Variants in KCNJ6 observed in about 807,000 individuals in gnomAD.
KCNJ6 encodes the protein G protein-activated inward rectifier potassium channel 2.
KCNJ6 carries 9 observed loss-of-function variants against 34.2 expected under a neutral mutation model. The observed-to-expected ratio is 0.26, with a 90% CI of 0.16 to 0.46. The LOEUF is 0.46. Among genes scored for constraint, KCNJ6 ranks in the 20% least tolerant of loss-of-function variants. The pLI, the probability that KCNJ6 is intolerant of heterozygous loss-of-function variation, is 1.00. For missense variants in KCNJ6, 236 were observed against 531.3 expected (o/e 0.44, Z 5.46); for synonymous variants, 196 against 207.1 (o/e 0.95, Z 0.46).
chr21:37,859,490 TATATATATATATATATA>T (rs2055582584), intron 1 of KCNJ6, among the ~76,000 whole-genome samples: 1 of 7,828 alleles, frequency 1.3e-4, no homozygotes, highest in Admixed American at 2.1e-3. Flanking sequence ...TATTACTTTA[TATATATATATATATATA>T]TATATATATA....
At chr21:37,836,634 C>A (rs960595724) in intron 2 of KCNJ6, among the ~76,000 whole-genome samples, 1 of 152,128 alleles carries the variant, frequency 6.6e-6, no homozygotes, top group Admixed American at 6.5e-5. Flanking sequence ...CAAACTAACA[C>A]GAGAACGGGA....
At chr21:37,914,350 C>T (rs1374258502) in intron 1 of KCNJ6, among the ~76,000 whole-genome samples, 1 of 152,142 alleles carries the variant, frequency 6.6e-6, no homozygotes, top group Non-Finnish European at 1.5e-5. Flanking sequence ...GCTTCACCCT[C>T]GGCGCCTGGG....
chr21:37,892,476 A>C (rs1358550325), intron 1 of KCNJ6, among the ~76,000 whole-genome samples: 1 of 152,226 alleles, frequency 6.6e-6, no homozygotes, highest in Non-Finnish European at 1.5e-5. Flanking sequence ...ATTAGTTTAG[A>C]AAATACAGCT....
intron 2 of KCNJ6, among the ~76,000 whole-genome samples, chr21:37,715,630 T>C (rs1569450874): frequency 6.6e-6 from 1 of 152,178 alleles, no homozygotes; most frequent in South Asian, 2.1e-4. Flanking sequence ...GGTGACAGTA[T>C]TGGGAGATAA....
intron 2 of KCNJ6, among the ~76,000 whole-genome samples, chr21:37,743,531 T>C (rs2054951439): frequency 6.6e-6 from 1 of 152,150 alleles, no homozygotes; most frequent in Non-Finnish European, 1.5e-5. Context: ...GATGGATTAA[T>C]GCTGCTATTG....
chr21:37,862,114 A>C (rs1268132925), intron 1 of KCNJ6, among the ~76,000 whole-genome samples: 3 of 152,208 alleles, frequency 2.0e-5, no homozygotes, highest in Non-Finnish European at 2.9e-5. Flanking sequence ...TTCCAATCTT[A>C]CATAAGGTGT....
intron 1 of KCNJ6, among the ~76,000 whole-genome samples, chr21:37,896,009 G>C (rs973365369): frequency 6.6e-6 from 1 of 152,176 alleles, no homozygotes; most frequent in African/African-American, 2.4e-5. Flanking sequence ...AGGGGCTCAC[G>C]GTTCTGCAGG....
At chr21:37,735,292 T>TATCA (rs1466887571) in intron 2 of KCNJ6, among the ~76,000 whole-genome samples, 1 of 152,202 alleles carries the variant, frequency 6.6e-6, no homozygotes, top group African/African-American at 2.4e-5. Context: ...AATAGAATCC[T>TATCA]ATCACCAGAA....
In KCNJ6 at chr21:37,661,614, G is replaced by GTTTTTTT. The variant is rs59026391; in HGVS notation, c.947-36137_947-36131dup. ...TCCACCCATTTCCTTAAGAGACATA[G>GTTTTTTT]TTTTTTTTTTTTTTTTTTTTTTTTT... On this transcript the variant is annotated intron_variant, in intron 3 of 3. Coordinates refer to ENST00000609713, the MANE Select transcript of KCNJ6 (RefSeq NM_002240.5). 9.4e-4 allele frequency among the ~76,000 whole-genome samples: 67 copies of GTTTTTTT among 71,144 alleles called. 16 individuals carry two copies. Among genetic ancestry groups the GTTTTTTT allele is most frequent in the East Asian group, 1.4e-3 (3 of 2,168 alleles). The allele number at this position is 71,144 out of a possible 152,430, so 46.7% of individuals were successfully genotyped here.
intron 1 of KCNJ6, among the ~76,000 whole-genome samples, chr21:37,915,539 T>C (rs2123658445): frequency 6.6e-6 from 1 of 152,302 alleles, no homozygotes; most frequent in East Asian, 1.9e-4. Context: ...GCCGCACCTG[T>C]CAGTTAATCA....
chr21:37,613,069 A>G lies in KCNJ6; in HGVS notation c.*12090T>C, dbSNP rs1396885909. The G allele has an allele frequency of 6.6e-6, 1 of 152,016 alleles. No individual in the cohort carries two copies. The highest frequency in any genetic ancestry group is 2.1e-4 in the South Asian group (1 of 4,818). 9.4% of individuals were successfully genotyped at this position (152,016 alleles called of 1,614,324 possible). A position where few individuals can be genotyped will look rare whatever the true frequency, so the allele number is the denominator to read the frequency against. On this transcript the variant is annotated 3_prime_UTR_variant, in exon 4 of 4. Transcript: ENST00000609713. The stretch of plus-strand genomic sequence containing the variant: ...GATAAAGAATTATTATCTAAAATTT[A>G]CAAAGAACTTTAACAAATCAACAAT...
intron 1 of KCNJ6, among the ~76,000 whole-genome samples, chr21:37,848,616 G>A (rs2123587953): frequency 6.6e-6 from 1 of 152,330 alleles, no homozygotes; most frequent in South Asian, 2.1e-4. Flanking sequence ...ACTGAGTTAT[G>A]AGGATATCTC....
intron 3 of KCNJ6, among the ~76,000 whole-genome samples, chr21:37,655,697 C>T (rs535117478): frequency 2.2e-4 from 33 of 152,242 alleles, no homozygotes; most frequent in Admixed American, 2.2e-3. Flanking sequence ...ACTCAGGGAC[C>T]TTCTCTGATT....
At chr21:37,658,540 A>C (rs1177079735) in intron 3 of KCNJ6, among the ~76,000 whole-genome samples, 1 of 152,250 alleles carries the variant, frequency 6.6e-6, no homozygotes, top group Non-Finnish European at 1.5e-5. Flanking sequence ...GTGGTGATAC[A>C]GAGAGATTTT....
intron 1 of KCNJ6, among the ~76,000 whole-genome samples, chr21:37,870,888 T>A (rs934868823): frequency 2.6e-5 from 4 of 152,342 alleles, no homozygotes; most frequent in Non-Finnish European, 5.9e-5. Context: ...TGACTACTCA[T>A]GTGAGCCTTG....
chr21:37,700,865 T>G (rs892504874), intron 3 of KCNJ6, among the ~76,000 whole-genome samples: 11 of 152,094 alleles, frequency 7.2e-5, no homozygotes, highest in Admixed American at 7.2e-4. Context: ...CTTTTGCTCA[T>G]TTGCATAAGA....
At chr21:37,770,838 CTTT>C (rs2055114535) in intron 2 of KCNJ6, among the ~76,000 whole-genome samples, 1 of 152,082 alleles carries the variant, frequency 6.6e-6, no homozygotes, top group South Asian at 2.1e-4. Flanking sequence ...TTTCCCCCTT[CTTT>C]TATCTCCTAT....
intron 2 of KCNJ6, among the ~76,000 whole-genome samples, chr21:37,734,637 C>A (rs1034954584): frequency 6.6e-6 from 1 of 152,094 alleles, no homozygotes; most frequent in African/African-American, 2.4e-5. Context: ...CACTGCAGCA[C>A]CTCCACTGAA....
At chr21:37,716,272 TTC>T (rs1277633379) in intron 2 of KCNJ6, among the ~76,000 whole-genome samples, 11 of 152,180 alleles carry the variant, frequency 7.2e-5, no homozygotes, top group African/African-American at 2.7e-4. Context: ...TGGGGAAATG[TTC>T]TCTCTGTCTG....
Sources: allele counts gnomAD v4.1 joint callset (sites outside exome capture counted in the v4.1 genomes callset), GRCh38; gene constraint gnomAD v4.1.1; transcripts MANE v1.5; gene names NCBI Gene and HGNC (gene_info 2026-07-23, HGNC 2026-07-21).